TRPS1: variants seen among roughly 807,000 people sequenced by gnomAD.
TRPS1 encodes zinc finger transcription factor Trps1.
In TRPS1, 6 loss-of-function variants were observed where a neutral mutation model predicts 101.2. That is an observed-to-expected ratio of 0.06 (90% CI 0.03 to 0.12). The LOEUF (loss-of-function observed/expected upper bound fraction) is 0.12. Ranked by LOEUF, TRPS1 falls within the 10% of genes least tolerant of loss-of-function variation. The pLI is 1.00. For synonymous variants in TRPS1, 578 were observed against 589.8 expected, an observed-to-expected ratio of 0.98 and a Z score of 0.29; for missense variants, 1,363 against 1,567.0, an observed-to-expected ratio of 0.87 and a Z score of 2.20.
chr8:115,459,345 T>TAATAAC (rs1247156967), intron 5 of TRPS1, among the ~76,000 whole-genome samples: 1 of 151,774 alleles, frequency 6.6e-6, no homozygotes, highest in Non-Finnish European at 1.5e-5. Context: ...ATAATAATAA[T>TAATAAC]AATGATGTTA....
rs1014683845 is a variant in TRPS1, at chr8:115,642,849, A to T, written c.-121-19091T>A. Among the ~76,000 whole-genome samples, 207 of 146,042 alleles carry T rather than the reference A, an allele frequency of 1.4e-3. 1 individual carries two copies. Among genetic ancestry groups the T allele is most frequent in the Non-Finnish European group, 2.2e-3 (148 of 66,544 alleles). On this transcript the variant is annotated intron_variant, in intron 1 of 6. Transcript: ENST00000395715. ...AAAGCATGCTTACTTCGTGAAAAAA[A>T]ATATATATATATATAAATATATATA... is the stretch of plus-strand genomic sequence containing the variant.
chr8:115,533,436 G>GTTTTTTTTTTTT (rs1161916592), intron 5 of TRPS1, among the ~76,000 whole-genome samples: 3,502 of 34,860 alleles, frequency 0.1, 1,097 homozygotes, highest in East Asian at 0.2. Context: ...CATGTAATCT[G>GTTTTTTTTTTTT]TTTTTTTTTT....
intron 5 of TRPS1, among the ~76,000 whole-genome samples, chr8:115,484,418 T>C (rs546619067): frequency 7.2e-5 from 11 of 152,320 alleles, no homozygotes; most frequent in African/African-American, 2.6e-4. Context: ...TCAAATATCA[T>C]GTCCCCATGA....
At position 115,444,957 on chromosome 8, in the gene TRPS1, A is replaced by T. The variant is rs1813696278; in HGVS notation, c.2701-26505T>A. ...TTTCTAGGTTAAATTTCTGAAGACA[A>T]CCTAATTATATCATGTCTTCGTTTA... On this transcript the variant is annotated intron_variant, in intron 5 of 6. Transcript: ENST00000395715. 1.5e-4 allele frequency among the ~76,000 whole-genome samples: 11 copies of T among 74,198 alleles called. No homozygotes were observed. The South Asian group carries it at 3.6e-3, about 24-fold the overall frequency. The allele number at this position is 74,198 out of a possible 152,430, so 48.7% of individuals were successfully genotyped here.
chr8:115,492,763 G>A (rs1815059491), intron 5 of TRPS1, among the ~76,000 whole-genome samples: 1 of 152,036 alleles, frequency 6.6e-6, no homozygotes, highest in Non-Finnish European at 1.5e-5. Flanking sequence ...ACCCAGGCTG[G>A]AGTGCAGTGG....
intron 5 of TRPS1, among the ~76,000 whole-genome samples, chr8:115,478,812 A>T (rs1317770106): frequency 6.7e-6 from 1 of 149,512 alleles, no homozygotes; most frequent in African/African-American, 2.5e-5. Context: ...AAAAAAAAAA[A>T]GTATATATAT....
chr8:115,560,749 GC>G (rs1816927204), intron 5 of TRPS1, among the ~76,000 whole-genome samples: 1 of 152,014 alleles, frequency 6.6e-6, no homozygotes, highest in African/African-American at 2.4e-5. Context: ...ATGCTACCTG[GC>G]AGACACCATG....
At chr8:115,486,127 TCA>T (rs1437407238) in intron 5 of TRPS1, among the ~76,000 whole-genome samples, 1 of 152,206 alleles carries the variant, frequency 6.6e-6, no homozygotes, top group East Asian at 1.9e-4. Context: ...TCACTTCATG[TCA>T]CAGTGTCACA....
rs903236503 is a variant in TRPS1, at chr8:115,418,227, C to A, written c.2823+103G>T. The A allele has an allele frequency of 2.5e-6, 4 of 1,594,264 alleles. No individual in the cohort carries two copies. Among genetic ancestry groups the A allele is most frequent in the Admixed American group, 1.7e-5 (1 of 59,890 alleles). Reference sequence around the variant, plus strand: ...AAGTGACTGTATTAAAACAACCCTGCGGGGGCAGGCACTGCAAGCCAGGGA... The same window carrying A: ...AAGTGACTGTATTAAAACAACCCTGAGGGGGCAGGCACTGCAAGCCAGGGA... On this transcript the variant is annotated intron_variant, in intron 6 of 6. Transcript: ENST00000395715. This position sits in a 1 kb window ranked among gnomAD's most constrained non-coding sequence, Gnocchi z 4.3.
chr8:115,561,036 T>A (rs1045317817), intron 5 of TRPS1, among the ~76,000 whole-genome samples: 1 of 152,076 alleles, frequency 6.6e-6, no homozygotes, highest in South Asian at 2.1e-4. Flanking sequence ...AAAGGAACAT[T>A]AACATTAATC....
At chr8:115,452,951 C>G (rs1813914937) in intron 5 of TRPS1, among the ~76,000 whole-genome samples, 1 of 151,460 alleles carries the variant, frequency 6.6e-6, no homozygotes, top group Non-Finnish European at 1.5e-5. Flanking sequence ...TCAAACAGAG[C>G]AAAATCAAAA....
At chr8:115,579,084 G>C (rs1045588090) in intron 5 of TRPS1, among the ~76,000 whole-genome samples, 1 of 152,006 alleles carries the variant, frequency 6.6e-6, no homozygotes, top group Non-Finnish European at 1.5e-5. Context: ...TCATTTAAAT[G>C]ATGGGGATAA....
chr8:115,455,662 G>C (rs182264530), intron 5 of TRPS1, among the ~76,000 whole-genome samples: 127 of 152,008 alleles, frequency 8.4e-4, no homozygotes, highest in African/African-American at 2.9e-3. Context: ...AATATACCTA[G>C]TAAGAGGCCA....
At chr8:115,555,731 C>T (rs999004802) in intron 5 of TRPS1, among the ~76,000 whole-genome samples, 1 of 152,138 alleles carries the variant, frequency 6.6e-6, no homozygotes, top group Non-Finnish European at 1.5e-5. Context: ...ACTAGCAGGG[C>T]ACAGTGGCTC....
intron 5 of TRPS1, among the ~76,000 whole-genome samples, chr8:115,552,693 T>C (rs1250483041): frequency 6.6e-6 from 1 of 152,192 alleles, no homozygotes; most frequent in African/African-American, 2.4e-5. Context: ...AACTGCAAAC[T>C]GTACCATATT....
rs67338348 is a variant in TRPS1 at position 115,483,532 on chromosome 8, CAAA to C, written c.2701-65083_2701-65081del. 4.9e-3 allele frequency among the ~76,000 whole-genome samples: 538 copies of C among 109,936 alleles called. 4 individuals are homozygous for C. Among genetic ancestry groups the C allele is most frequent in the African/African-American group, 0.014 (455 of 31,606 alleles). 72.1% of individuals were successfully genotyped at this position (109,936 alleles called of 152,430 possible). ...TGGGTGACAGAGTGAGACCTTGTCT[CAAA>C]AAAAAAAAAAAAAAAAATTAATTGT... On this transcript the variant is annotated intron_variant, in intron 5 of 6. Transcript: ENST00000395715.
intron 5 of TRPS1, among the ~76,000 whole-genome samples, chr8:115,533,388 T>C (rs1475202437): frequency 7.0e-6 from 1 of 143,462 alleles, no homozygotes; most frequent in African/African-American, 2.5e-5. Flanking sequence ...AACTTTCTGA[T>C]TCTGAACAAG....
chr8:115,483,942 T>C (rs1290227851), intron 5 of TRPS1, among the ~76,000 whole-genome samples: 1 of 152,166 alleles, frequency 6.6e-6, no homozygotes, highest in Non-Finnish European at 1.5e-5. Flanking sequence ...GGAGAGGATA[T>C]TTCCCAGCTC....
At chr8:115,665,414 T>C (rs576753459) in intron 1 of TRPS1, among the ~76,000 whole-genome samples, 1 of 152,304 alleles carries the variant, frequency 6.6e-6, no homozygotes, top group Non-Finnish European at 1.5e-5. Flanking sequence ...ACTGAAATAC[T>C]AGAATCGTAA....
Sources: gnomAD v4.1 joint callset for allele counts (sites outside exome capture counted in the v4.1 genomes callset) on GRCh38, gnomAD v4.1.1 for gene constraint, Gnocchi (gnomAD v3.1) non-coding constraint, MANE v1.5 for transcripts, NCBI Gene and HGNC (gene_info 2026-07-23, HGNC 2026-07-21) for gene names.